CHDH: variants seen among roughly 807,000 people sequenced by gnomAD.
The protein encoded by CHDH is choline dehydrogenase, mitochondrial.
A neutral mutation model predicts 56.9 loss-of-function variants in CHDH; 43 were observed. That is an observed-to-expected ratio of 0.76 (90% confidence interval 0.59 to 0.97). The LOEUF (loss-of-function observed/expected upper bound fraction) is 0.97. Ranked by LOEUF, CHDH falls within the 50% of genes least tolerant of loss-of-function variation. CHDH has a pLI of 0.00. For missense variants in CHDH, 816 were observed against 821.1 expected (o/e 0.99, Z 0.08); for synonymous variants, 364 against 348.5 (o/e 1.04, Z -0.50).
chr3:53,841,813 G>T (rs1698677260), intron 1 of CHDH, among the ~76,000 whole-genome samples: 1 of 152,048 alleles, frequency 6.6e-6, no homozygotes, highest in Non-Finnish European at 1.5e-5. Flanking sequence ...TTCTAACTAT[G>T]ATACACACAC....
At chr3:53,829,621 A>C (rs901739238) in intron 2 of CHDH, among the ~76,000 whole-genome samples, 2 of 152,192 alleles carry the variant, frequency 1.3e-5, no homozygotes, top group African/African-American at 4.8e-5. Context: ...GATAGCTTTC[A>C]AGCTCCATCC....
chr3:53,837,993 G>T (rs1410086408), intron 2 of CHDH, among the ~76,000 whole-genome samples: 1 of 145,564 alleles, frequency 6.9e-6, no homozygotes, highest in Non-Finnish European at 1.5e-5. Context: ...GGAGGCACAG[G>T]TTGCCATGAG....
intron 2 of CHDH, among the ~76,000 whole-genome samples, chr3:53,834,866 G>T (rs1170114784): frequency 6.6e-6 from 1 of 152,152 alleles, no homozygotes; most frequent in Non-Finnish European, 1.5e-5. Flanking sequence ...AGCTTTCACT[G>T]GTCACCCAAG....
intron 3 of CHDH, 116 bp downstream of exon 3, chr3:53,823,190 A>T: frequency 1.1e-6 from 1 of 949,556 alleles, no homozygotes; most frequent in Non-Finnish European, 1.5e-6. Context: ...TGCCAGCCTC[A>T]GTCTGCCCAT....
At chr3:53,821,383 C>A (rs1190382018) in intron 5 of CHDH, among the ~76,000 whole-genome samples, 1 of 151,594 alleles carries the variant, frequency 6.6e-6, no homozygotes, top group Non-Finnish European at 1.5e-5. Flanking sequence ...GGCTTCAGGG[C>A]AGATACTCCC....
Position 53,823,303 on chromosome 3 carries a change from T to C in CHDH, c.703+3A>G, listed in dbSNP as rs759936285. The C allele has an allele frequency of 1.3e-5, 20 of 1,540,574 alleles. 1 individual carries two copies. Among genetic ancestry groups the C allele is most frequent in the African/African-American group, 9.7e-5 (7 of 72,108 alleles). Reference sequence around the variant, plus strand: ...TTTTTAAAAAGAGAAGGGAGACCACTACCTTCATGGATGGTCATGTCCATC... The same window carrying C: ...TTTTTAAAAAGAGAAGGGAGACCACCACCTTCATGGATGGTCATGTCCATC... On this transcript the variant is annotated splice_donor_region_variant and intron_variant, in intron 3 of 8. Transcript: ENST00000315251.
intron 2 of CHDH, among the ~76,000 whole-genome samples, chr3:53,834,591 G>A (rs113611848): frequency 0.017 from 2,648 of 152,294 alleles, 50 homozygotes; most frequent in Non-Finnish European, 0.025. Context: ...TATAACTTTG[G>A]TAGAGTGAAG....
Position 53,837,361 on chromosome 3 carries a change from G to C in CHDH, c.-60+3568C>G, listed in dbSNP as rs531094801. Among the ~76,000 whole-genome samples, 6 of 152,354 alleles carry C rather than the reference G, an allele frequency of 3.9e-5. No homozygotes were observed. In the South Asian group the frequency reaches 1.2e-3, roughly 32 times the overall value. On this transcript the variant is annotated intron_variant, in intron 2 of 8. Transcript: ENST00000315251. Reference sequence around the variant, plus strand: ...CATACCACTTGGCCCCTTGTGCCCTGGCTGCTCGGGCGTAGCCCACCTGCC... The same window carrying C: ...CATACCACTTGGCCCCTTGTGCCCTCGCTGCTCGGGCGTAGCCCACCTGCC...
chr3:53,821,882 G>A (rs1253401354), intron 4 of CHDH, 106 bp from the exon 5 acceptor site: 5 of 1,422,570 alleles, frequency 3.5e-6, no homozygotes, highest in Admixed American at 4.0e-5. Context: ...GCCTTGGGAT[G>A]TAGAATCCTG....
chr3:53,844,342 C>A (rs1198286239), intron 1 of CHDH, among the ~76,000 whole-genome samples: 1 of 152,106 alleles, frequency 6.6e-6, no homozygotes, highest in African/African-American at 2.4e-5. Flanking sequence ...TTTACAAAAC[C>A]CCCTCCCCTA....
In CHDH at chr3:53,815,311, G is replaced by C. The variant is rs953454807; in HGVS notation, c.*2466C>G. The stretch of plus-strand genomic sequence containing the variant: ...GGCCAAGGGGCCCAATTCCCTATGA[G>C]ACTGAAGATGGGGGGGTACCCTCTG... On this transcript the variant is annotated 3_prime_UTR_variant, in exon 9 of 9. Transcript: ENST00000315251. The C allele has an allele frequency of 6.6e-6, 1 of 152,266 alleles. No homozygotes were observed. The highest frequency in any genetic ancestry group is 2.4e-5 in the African/African-American group (1 of 41,462). 9.4% of individuals were successfully genotyped at this position (152,266 alleles called of 1,614,324 possible).
rs2095629849 is a variant in CHDH at position 53,822,701 on chromosome 3, G to T, written c.704-59C>A. 6.4e-6 allele frequency: 10 copies of T among 1,570,232 alleles called. No individual in the cohort carries two copies. In the South Asian group the frequency reaches 1.1e-4, roughly 18 times the overall value. The stretch of plus-strand genomic sequence containing the variant: ...CCGCCCTCCCCTGGCACCTGGGCAG[G>T]AGGAAGGAGCTGGAGAAAGAAAGAG... On this transcript the variant is annotated intron_variant, in intron 3 of 8. Transcript: ENST00000315251.
At chr3:53,845,494 G>T (rs1352682124) in intron 1 of CHDH, among the ~76,000 whole-genome samples, 1 of 152,194 alleles carries the variant, frequency 6.6e-6, no homozygotes, top group East Asian at 1.9e-4. Context: ...TTTGCAAACC[G>T]AGGGGGCTGA....
At chr3:53,826,609 C>T (rs1352717992) in intron 2 of CHDH, among the ~76,000 whole-genome samples, 1 of 151,790 alleles carries the variant, frequency 6.6e-6, no homozygotes, top group Admixed American at 6.6e-5. Context: ...ACTTCCCCAA[C>T]TTGGTAAAGA....
At chr3:53,822,368 C>G in intron 4 of CHDH, 123 bp downstream of exon 4, 1 of 910,070 alleles carries the variant, frequency 1.1e-6, no homozygotes, top group Non-Finnish European at 1.7e-6. Context: ...CCCCTCCCCC[C>G]GCCATCACAG....
chr3:53,817,478 C>T lies in CHDH; in HGVS notation c.*299G>A, dbSNP rs145601829. The T allele has an allele frequency of 0.012, 4,792 of 390,336 alleles. 47 individuals are homozygous for T. The highest frequency in any genetic ancestry group is 0.017 in the South Asian group (321 of 18,790). 24.2% of individuals were successfully genotyped at this position (390,336 alleles called of 1,614,324 possible). The stretch of plus-strand genomic sequence containing the variant: ...CCACGTGAACACAAGAAAAAGGATG[C>T]GGCAGGAGTTAACCATCCTCCCCTT... On this transcript the variant is annotated 3_prime_UTR_variant, in exon 9 of 9. Coordinates refer to ENST00000315251, the MANE Select transcript of CHDH (RefSeq NM_018397.5).
At position 53,813,215 on chromosome 3, in the gene CHDH, T is replaced by C. The variant is rs899769661; in HGVS notation, c.*4562A>G. The C allele has an allele frequency of 2.0e-5, 3 of 150,892 alleles. No homozygotes were observed. The highest frequency in any genetic ancestry group is 4.4e-5 in the Non-Finnish European group (3 of 67,724). The allele number at this position is 150,892 out of a possible 1,614,324, so 9.3% of individuals were successfully genotyped here. On this transcript the variant is annotated 3_prime_UTR_variant, in exon 9 of 9. Coordinates refer to ENST00000315251, the MANE Select transcript of CHDH (RefSeq NM_018397.5). ...AAACCTCTTCTTAAGACATTCTTAC[T>C]CTGATCCAGGCAAAAACACTTCAAG...
At position 53,823,396 on chromosome 3, in the gene CHDH, C is replaced by A; in HGVS notation, c.613G>T (p.Ala205Ser). 1 of 1,604,680 alleles carries A rather than the reference C, an allele frequency of 6.2e-7. No homozygotes were observed. Among genetic ancestry groups the A allele is most frequent in the Non-Finnish European group, 8.5e-7 (1 of 1,175,348 alleles). ...NHPLHCAFLE[A>S]TQQAGYPLTE... is the part of the protein sequence containing the mutation. ...AGCGGGTAGCCGGCCTGCTGCGTGG[C>A]CTCCAGGAATGCGCAGTGCAGCGGG... Residue 205 changes from alanine to serine, a missense_variant, in exon 3 of 9, where the codon GCC becomes TCC. By Grantham distance (99) the Ala-to-Ser change is moderately conservative. Coordinates refer to ENST00000315251, the MANE Select transcript of CHDH (RefSeq NM_018397.5).
intron 2 of CHDH, among the ~76,000 whole-genome samples, chr3:53,836,813 A>C (rs13317328): frequency 0.14 from 21,398 of 152,246 alleles, 2,195 homozygotes; most frequent in East Asian, 0.38. Flanking sequence ...CCCCCTGGGA[A>C]TGTTCTAGAT....
Sources: allele counts gnomAD v4.1 joint callset (sites outside exome capture counted in the v4.1 genomes callset), GRCh38; gene constraint gnomAD v4.1.1; transcripts MANE v1.5; gene names NCBI Gene and HGNC (gene_info 2026-07-23, HGNC 2026-07-21).